The following ZFHX3 variants were observed in gnomAD, a reference collection of about 807,000 sequenced individuals.
ZFHX3 encodes zinc finger homeobox protein 3.
ZFHX3 carries 42 observed loss-of-function variants against 279.1 expected under a neutral mutation model. The ratio of observed to expected loss-of-function variants is 0.15; its 90% CI spans 0.12 to 0.19. The LOEUF (loss-of-function observed/expected upper bound fraction) is 0.19, where lower values mean the gene tolerates loss of function less well. ZFHX3 is among the 10% of genes least tolerant of loss of function. ZFHX3 has a pLI of 1.00. For missense variants in ZFHX3, 4,981 were observed against 4,754.0 expected (o/e 1.05, Z -1.40); for synonymous variants, 2,293 against 1,957.8 (o/e 1.17, Z -4.52).
chr16:72,961,610 C>A (rs1236864603), intron 1 of ZFHX3, among the ~76,000 whole-genome samples: 1 of 150,812 alleles, frequency 6.6e-6, no homozygotes, highest in Non-Finnish European at 1.5e-5. Context: ...CCCTCCCTGA[C>A]AGCCCCTATC....
chr16:73,276,259 C>T (rs1597257115), intron 4 of ZFHX3, among the ~76,000 whole-genome samples: 1 of 151,252 alleles, frequency 6.6e-6, no homozygotes, highest in East Asian at 1.9e-4. Flanking sequence ...TCTCAGCTCA[C>T]TGCAACCTCC....
intron 2 of ZFHX3, among the ~76,000 whole-genome samples, chr16:73,470,195 G>A (rs1005462662): frequency 2.6e-5 from 4 of 152,146 alleles, no homozygotes; most frequent in African/African-American, 4.8e-5. Context: ...CGAGTTTGAC[G>A]CTTTCATTTC....
chr16:72,873,246 T>C (rs540149156), intron 4 of ZFHX3, among the ~76,000 whole-genome samples: 3 of 152,350 alleles, frequency 2.0e-5, no homozygotes, highest in African/African-American at 7.2e-5. Context: ...AACTAACAGA[T>C]GTTTAATAAA....
At chr16:72,834,003 T>C (rs769826910) in intron 4 of ZFHX3, among the ~76,000 whole-genome samples, 4 of 152,188 alleles carry the variant, frequency 2.6e-5, no homozygotes, top group Non-Finnish European at 2.9e-5. Flanking sequence ...TCCCAGCACT[T>C]TGAGAGGCCG....
chr16:73,765,759 G>A (rs1567402879), intron 1 of ZFHX3, among the ~76,000 whole-genome samples: 1 of 152,324 alleles, frequency 6.6e-6, no homozygotes, highest in Non-Finnish European at 1.5e-5. Flanking sequence ...AATGGGCTTA[G>A]TTTGGATACA....
intron 6 of ZFHX3, among the ~76,000 whole-genome samples, chr16:73,133,520 T>C (rs1966734174): frequency 6.6e-6 from 1 of 151,908 alleles, no homozygotes; most frequent in Admixed American, 6.6e-5. Context: ...ATAAGACTGG[T>C]GTCCTTTTAA....
intron 2 of ZFHX3, among the ~76,000 whole-genome samples, chr16:73,643,659 G>T (rs886853704): frequency 1.3e-5 from 2 of 152,182 alleles, no homozygotes; most frequent in African/African-American, 4.8e-5. Context: ...AGCAATTCCA[G>T]TGTTTCCATT....
intron 4 of ZFHX3, among the ~76,000 whole-genome samples, chr16:72,884,402 G>C (rs962811713): frequency 6.6e-6 from 1 of 152,168 alleles, no homozygotes; most frequent in South Asian, 2.1e-4. Context: ...AACTGAGTCC[G>C]GGTCCAATTA....
chr16:73,194,939 C>T (rs1265616197), intron 5 of ZFHX3, among the ~76,000 whole-genome samples: 1 of 152,126 alleles, frequency 6.6e-6, no homozygotes, highest in African/African-American at 2.4e-5. Context: ...CTAGGGTTTG[C>T]AAGAACCTGA....
At chr16:73,313,322 T>C (rs1265431141) in intron 4 of ZFHX3, among the ~76,000 whole-genome samples, 1 of 152,160 alleles carries the variant, frequency 6.6e-6, no homozygotes, top group Non-Finnish European at 1.5e-5. Flanking sequence ...TAGTTCTTTA[T>C]AGCAGTATGA....
rs557878738 is a variant in ZFHX3 at position 72,961,112 on chromosome 16, C to G, written c.-49-918G>C. Among the ~76,000 whole-genome samples, 6 of 152,292 alleles carry G rather than the reference C, an allele frequency of 3.9e-5. No individual in the cohort carries two copies. The South Asian group carries it at 1.0e-3, about 26-fold the overall frequency. ...CCAGACTCTGGATCTGCCAACACCC[C>G]CTCCAGCAGCTTCTATCTGGCCCTG... is the stretch of plus-strand genomic sequence containing the variant. On this transcript the variant is annotated intron_variant, in intron 1 of 9. Transcript: ENST00000268489.
chr16:73,069,139 C>T (rs1965792954), intron 8 of ZFHX3, among the ~76,000 whole-genome samples: 1 of 152,200 alleles, frequency 6.6e-6, no homozygotes, highest in Non-Finnish European at 1.5e-5. Context: ...TGCTGAAAGC[C>T]TTGTTAAGGA....
intron 3 of ZFHX3, among the ~76,000 whole-genome samples, chr16:73,367,683 T>C (rs2016554028): frequency 6.6e-6 from 1 of 152,156 alleles, no homozygotes; most frequent in Non-Finnish European, 1.5e-5. Context: ...CTTGAATACC[T>C]CTATCACCAG....
chr16:73,209,241 A>G (rs1482269029), intron 5 of ZFHX3, among the ~76,000 whole-genome samples: 1 of 152,206 alleles, frequency 6.6e-6, no homozygotes, highest in Non-Finnish European at 1.5e-5. Context: ...TTCAGTGAAA[A>G]TGATTGTATT....
At chr16:73,875,998 A>G (rs1450696000) in intron 1 of ZFHX3, among the ~76,000 whole-genome samples, 1 of 152,214 alleles carries the variant, frequency 6.6e-6, no homozygotes, top group South Asian at 2.1e-4. Context: ...AGCCATAGTA[A>G]TATTTAAATA....
At chr16:72,962,324 C>T (rs1214696459) in intron 1 of ZFHX3, among the ~76,000 whole-genome samples, 1 of 152,218 alleles carries the variant, frequency 6.6e-6, no homozygotes, top group Non-Finnish European at 1.5e-5. Flanking sequence ...CCTCCTCTTC[C>T]ACAAACTATC....
chr16:72,844,432 A>C (rs2143803247), intron 4 of ZFHX3, among the ~76,000 whole-genome samples: 1 of 152,138 alleles, frequency 6.6e-6, no homozygotes, highest in African/African-American at 2.4e-5. Context: ...CTGCCTTCAC[A>C]CCGCCCATGT....
At chr16:73,617,945 A>G (rs1462958591) in intron 2 of ZFHX3, among the ~76,000 whole-genome samples, 1 of 152,154 alleles carries the variant, frequency 6.6e-6, no homozygotes, top group Admixed American at 6.5e-5. Context: ...AGGCAGTGCT[A>G]CCCATGAACC....
intron 5 of ZFHX3, among the ~76,000 whole-genome samples, chr16:73,209,352 T>A (rs1024286320): frequency 3.9e-5 from 6 of 152,094 alleles, no homozygotes; most frequent in Admixed American, 2.0e-4. Context: ...AACAATAGAA[T>A]TTTTCCCCCA....
Sources: allele counts gnomAD v4.1 joint callset (sites outside exome capture counted in the v4.1 genomes callset), GRCh38; gene constraint gnomAD v4.1.1; transcripts MANE v1.5; gene names NCBI Gene and HGNC (gene_info 2026-07-23, HGNC 2026-07-21).